ZSWIM6: variants seen among roughly 807,000 people sequenced by gnomAD.
The protein encoded by ZSWIM6 is zinc finger SWIM-type containing 6.
A neutral mutation model predicts 113.2 loss-of-function variants in ZSWIM6; 9 were observed. The observed-to-expected ratio is 0.08, with a 90% CI of 0.05 to 0.14. The LOEUF is 0.14. ZSWIM6 is among the 10% of genes least tolerant of loss of function. The pLI is 1.00. For missense variants in ZSWIM6, 1,162 were observed against 1,552.2 expected (o/e 0.75, Z 4.22); for synonymous variants, 611 against 606.5 (o/e 1.01, Z -0.11).
intron 7 of ZSWIM6, among the ~76,000 whole-genome samples, chr5:61,527,486 A>C (rs1431124380): frequency 6.6e-6 from 1 of 152,212 alleles, no homozygotes; most frequent in African/African-American, 2.4e-5. Flanking sequence ...CAAAAGTTAC[A>C]GTTGAACCAA....
intron 1 of ZSWIM6, among the ~76,000 whole-genome samples, chr5:61,402,107 C>T (rs1745951067): frequency 6.6e-6 from 1 of 152,076 alleles, no homozygotes. Context: ...TTCTTATCAT[C>T]TTGTCACCTT....
chr5:61,392,023 A>G (rs1410808055), intron 1 of ZSWIM6, among the ~76,000 whole-genome samples: 1 of 152,170 alleles, frequency 6.6e-6, no homozygotes, highest in Admixed American at 6.5e-5. Context: ...ATAGATTGAC[A>G]TGCATTCGTG....
At chr5:61,527,194 T>C (rs1397623359) in intron 7 of ZSWIM6, among the ~76,000 whole-genome samples, 1 of 152,194 alleles carries the variant, frequency 6.6e-6, no homozygotes, top group Non-Finnish European at 1.5e-5. Context: ...GATAAAGAAA[T>C]GTATATGCTT....
chr5:61,332,594 C>T lies in ZSWIM6; in HGVS notation c.322C>T (p.Arg108Cys), dbSNP rs769821581. 2.4e-5 allele frequency: 32 copies of T among 1,337,828 alleles called. No individual in the cohort carries two copies. The highest frequency in any genetic ancestry group is 3.1e-5 in the Non-Finnish European group (31 of 1,015,078). 82.9% of individuals were successfully genotyped at this position (1,337,828 alleles called of 1,614,324 possible). A position where few individuals can be genotyped will look rare whatever the true frequency, so the allele number is the denominator to read the frequency against. Residue 108 changes from arginine (R) to cysteine (C), a missense_variant, in exon 1 of 14, where the codon CGC (arginine) becomes TGC (cysteine). This residue lies in a region of ZSWIM6 where 333 missense variants were observed against 293.4 expected (regional missense o/e 1.13). Coordinates refer to ENST00000252744, the MANE Select transcript of ZSWIM6 (RefSeq NM_020928.2). Reference protein sequence around the residue: ...FERIPEPVQRRIVYWSFPRSE... With the variant: ...FERIPEPVQRCIVYWSFPRSE... ...GCGCATCCCGGAGCCGGTGCAGCGC[C>T]GCATAGTCTATTGGTCCTTCCCCCG...
At chr5:61,440,124 A>T (rs1746794329) in intron 1 of ZSWIM6, among the ~76,000 whole-genome samples, 1 of 152,152 alleles carries the variant, frequency 6.6e-6, no homozygotes, top group Non-Finnish European at 1.5e-5. Flanking sequence ...GAAAGGTGAA[A>T]AAAAAAGCGC....
At position 61,332,344 on chromosome 5, in the gene ZSWIM6, C is replaced by CGCG; in HGVS notation, c.73_74insCGG (p.Gly24_Gly25insAla). On this transcript the variant is annotated inframe_insertion, in exon 1 of 14. Transcript: ENST00000252744. ...GCCGGCCGGGCGGCGGCGGCGGCGG[C>CGCG]GGGGGCAGCAGCGGCGGCGGCGGCG... The CGCG allele has an allele frequency of 1.9e-6, 2 of 1,045,308 alleles. No individual in the cohort carries two copies. The highest frequency in any genetic ancestry group is 2.3e-6 in the Non-Finnish European group (2 of 854,960). The allele number at this position is 1,045,308 out of a possible 1,614,324, so 64.8% of individuals were successfully genotyped here.
chr5:61,537,589 C>A (rs1278687284), intron 10 of ZSWIM6, among the ~76,000 whole-genome samples: 4 of 152,038 alleles, frequency 2.6e-5, no homozygotes, highest in African/African-American at 7.2e-5. Context: ...AGCAACCCTG[C>A]CATTATTCTT....
rs1015579216 is a variant in ZSWIM6, at chr5:61,444,125, A to G, written c.677-28556A>G. On this transcript the variant is annotated intron_variant, in intron 1 of 13. Transcript: ENST00000252744. The stretch of plus-strand genomic sequence containing the variant: ...CCCCCACCCCACAACAGTCCCCAGC[A>G]TGTGATGTTCCCCTTCCTGTGTCCA... 2.2e-4 allele frequency among the ~76,000 whole-genome samples: 24 copies of G among 109,604 alleles called. 1 individual carries two copies. The highest frequency in any genetic ancestry group is 8.6e-4 in the African/African-American group (24 of 27,812). The allele number at this position is 109,604 out of a possible 152,430, so 71.9% of individuals were successfully genotyped here.
chr5:61,449,420 G>C (rs1035839582), intron 1 of ZSWIM6, among the ~76,000 whole-genome samples: 4 of 152,012 alleles, frequency 2.6e-5, no homozygotes, highest in Non-Finnish European at 4.4e-5. Flanking sequence ...TTTAGGGATG[G>C]GGTCTTACCA....
At chr5:61,335,911 G>A (rs911174734) in intron 1 of ZSWIM6, among the ~76,000 whole-genome samples, 1 of 152,216 alleles carries the variant, frequency 6.6e-6, no homozygotes, top group Non-Finnish European at 1.5e-5. Flanking sequence ...CACAGAGCTT[G>A]CTCATCAGTT....
At chr5:61,368,533 T>C (rs1579957095) in intron 1 of ZSWIM6, among the ~76,000 whole-genome samples, 1 of 152,232 alleles carries the variant, frequency 6.6e-6, no homozygotes, top group Non-Finnish European at 1.5e-5. Context: ...TTTTCCCTTA[T>C]GTTAGCCCTT....
chr5:61,364,932 A>G (rs1745119315), intron 1 of ZSWIM6, among the ~76,000 whole-genome samples: 1 of 152,210 alleles, frequency 6.6e-6, no homozygotes, highest in South Asian at 2.1e-4. Context: ...TCATGGTCTA[A>G]TGGCAGAGTT....
At chr5:61,352,504 T>C (rs1301251944) in intron 1 of ZSWIM6, among the ~76,000 whole-genome samples, 1 of 152,238 alleles carries the variant, frequency 6.6e-6, no homozygotes, top group African/African-American at 2.4e-5. Context: ...GCATTGCTTT[T>C]ATTCAGTGGT....
At chr5:61,431,327 C>T (rs1341929741) in intron 1 of ZSWIM6, among the ~76,000 whole-genome samples, 1 of 123,816 alleles carries the variant, frequency 8.1e-6, no homozygotes, top group Non-Finnish European at 1.6e-5. Context: ...GAGCCGAGAT[C>T]GTGCCACTGC....
intron 1 of ZSWIM6, among the ~76,000 whole-genome samples, chr5:61,371,397 C>G (rs1745259420): frequency 6.6e-6 from 1 of 152,102 alleles, no homozygotes; most frequent in Non-Finnish European, 1.5e-5. Context: ...ACTAGATGTT[C>G]AAAAGTTTAT....
At position 61,545,145 on chromosome 5, in the gene ZSWIM6, C is replaced by T. The variant is rs1357664898; in HGVS notation, c.*828C>T. On this transcript the variant is annotated 3_prime_UTR_variant, in exon 14 of 14. Coordinates refer to ENST00000252744, the MANE Select transcript of ZSWIM6 (RefSeq NM_020928.2). ...AGTACGCCTTGCTTCAGGGTTGGCT[C>T]AGGTGGTGAACTTCATGCTGGGCAT... The T allele has an allele frequency of 6.6e-6, 1 of 151,672 alleles. No individual in the cohort carries two copies. The highest frequency in any genetic ancestry group is 1.5e-5 in the Non-Finnish European group (1 of 67,978). 9.4% of individuals were successfully genotyped at this position (151,672 alleles called of 1,614,324 possible). A position where few individuals can be genotyped will look rare whatever the true frequency, so the allele number is the denominator to read the frequency against.
At chr5:61,403,538 C>T (rs1745981338) in intron 1 of ZSWIM6, among the ~76,000 whole-genome samples, 1 of 152,186 alleles carries the variant, frequency 6.6e-6, no homozygotes. Flanking sequence ...CCTATAGCTC[C>T]TTTATTTCTC....
intron 11 of ZSWIM6, 91 bp from the exon 12 acceptor site, chr5:61,539,503 CTG>C: frequency 2.1e-5 from 29 of 1,356,350 alleles, no homozygotes; most frequent in Middle Eastern, 1.9e-4. Flanking sequence ...TTTTCCCCCT[CTG>C]TGTGTGTGTA....
Position 61,471,153 on chromosome 5 carries a change from T to A in ZSWIM6, c.677-1528T>A, listed in dbSNP as rs554273158. Among the ~76,000 whole-genome samples the A allele has an allele frequency of 9.8e-5, 15 of 152,348 alleles. No individual in the cohort carries two copies. In the East Asian group the frequency reaches 2.1e-3, roughly 22 times the overall value. ...TAAAGTAGCATCAATAGAGGAAGAC[T>A]GGGAGAGAGCCCAGGGCTTCACTGT... On this transcript the variant is annotated intron_variant, in intron 1 of 13. Transcript: ENST00000252744.
Sources: allele counts gnomAD v4.1 joint callset (sites outside exome capture counted in the v4.1 genomes callset), GRCh38; gene constraint gnomAD v4.1.1; regional missense constraint gnomAD v4.1.1; transcripts MANE v1.5; gene names NCBI Gene and HGNC (gene_info 2026-07-23, HGNC 2026-07-21).